The following RARB variants were observed in gnomAD, a reference collection of about 807,000 sequenced individuals.
RARB encodes retinoic acid receptor beta.
A neutral mutation model predicts 51.9 loss-of-function variants in RARB; 17 were observed. The observed-to-expected ratio is 0.33, with a 90% CI of 0.22 to 0.49. The LOEUF is 0.49. RARB is among the 20% of genes least tolerant of loss of function. The pLI is 0.99. For missense variants in RARB, 369 were observed against 550.8 expected (o/e 0.67, Z 3.30); for synonymous variants, 215 against 195.4 (o/e 1.10, Z -0.84).
intron 4 of RARB, among the ~76,000 whole-genome samples, chr3:25,166,725 A>G (rs1700567241): frequency 6.6e-6 from 1 of 152,192 alleles, no homozygotes; most frequent in Non-Finnish European, 1.5e-5. Context: ...TCTTGAAGGA[A>G]GCACAGTGTA....
chr3:25,335,792 C>G (rs1355313963), intron 5 of RARB, among the ~76,000 whole-genome samples: 2 of 152,198 alleles, frequency 1.3e-5, no homozygotes, highest in Admixed American at 1.3e-4. Context: ...CTGCTATATT[C>G]TCTTCTTGTA....
intron 2 of RARB, among the ~76,000 whole-genome samples, chr3:24,965,066 A>T (rs909257581): frequency 6.6e-6 from 1 of 152,178 alleles, no homozygotes; most frequent in Non-Finnish European, 1.5e-5. Flanking sequence ...ACAATAGCCC[A>T]TGTAATCGAT....
intron 2 of RARB, among the ~76,000 whole-genome samples, chr3:25,484,988 A>G (rs915849099): frequency 1.3e-5 from 2 of 152,244 alleles, no homozygotes; most frequent in African/African-American, 4.8e-5. Flanking sequence ...AATAATTGAA[A>G]GAAGTGATAT....
chr3:25,595,943 A>T (rs1553637903), intron 7 of RARB, among the ~76,000 whole-genome samples: 1 of 152,226 alleles, frequency 6.6e-6, no homozygotes, highest in Non-Finnish European at 1.5e-5. Flanking sequence ...AAACGTCACC[A>T]TATCTCAGCT....
chr3:25,536,115 AT>A (rs1162365447), intron 3 of RARB, among the ~76,000 whole-genome samples: 11 of 152,332 alleles, frequency 7.2e-5, no homozygotes, highest in Admixed American at 1.3e-4. Context: ...CTTACCTGCT[AT>A]TAATATCTCA....
intron 2 of RARB, among the ~76,000 whole-genome samples, chr3:24,881,587 A>C (rs960984147): frequency 6.6e-6 from 1 of 152,218 alleles, no homozygotes; most frequent in Non-Finnish European, 1.5e-5. Flanking sequence ...ATGAAAAATA[A>C]AAACAGATTA....
intron 5 of RARB, among the ~76,000 whole-genome samples, chr3:25,224,578 G>A (rs1702013430): frequency 6.6e-6 from 1 of 152,204 alleles, no homozygotes; most frequent in East Asian, 1.9e-4. Flanking sequence ...AGGTGTTCAG[G>A]TAAGCTCACC....
chr3:24,891,247 A>G (rs942166561), intron 2 of RARB, among the ~76,000 whole-genome samples: 1 of 152,202 alleles, frequency 6.6e-6, no homozygotes, highest in African/African-American at 2.4e-5. Flanking sequence ...ATTATCTTCC[A>G]AACTAGGCTA....
At chr3:25,390,094 G>A (rs1706907763) in intron 5 of RARB, among the ~76,000 whole-genome samples, 1 of 152,150 alleles carries the variant, frequency 6.6e-6, no homozygotes. Context: ...AAATTCATAT[G>A]TTGAAACTTA....
At chr3:25,141,608 A>C (rs1178669417) in intron 4 of RARB, among the ~76,000 whole-genome samples, 2 of 152,174 alleles carry the variant, frequency 1.3e-5, no homozygotes, top group East Asian at 3.9e-4. Context: ...CAATCCTGTG[A>C]TATTAACTCC....
At chr3:25,174,712 T>C (rs1211121696) in intron 5 of RARB, 41 of 875,982 alleles carry the variant, frequency 4.7e-5, no homozygotes, top group Non-Finnish European at 5.9e-5. Flanking sequence ...ATTCTACTTT[T>C]AGTTCTGTGG....
chr3:25,523,831 CTT>C (rs1698515613), intron 3 of RARB, among the ~76,000 whole-genome samples: 2 of 152,268 alleles, frequency 1.3e-5, no homozygotes, highest in South Asian at 4.1e-4. Flanking sequence ...TTTTTACAAA[CTT>C]TTTCTCTTGT....
intron 5 of RARB, among the ~76,000 whole-genome samples, chr3:25,272,277 C>T (rs1413555512): frequency 6.6e-6 from 1 of 152,218 alleles, no homozygotes; most frequent in Non-Finnish European, 1.5e-5. Context: ...TTTACACCAA[C>T]AAAGCCATCG....
chr3:25,414,946 A>G (rs1279697355), intron 5 of RARB, among the ~76,000 whole-genome samples: 1 of 152,104 alleles, frequency 6.6e-6, no homozygotes, highest in East Asian at 1.9e-4. Context: ...GGTTCAAGCA[A>G]TTCTCCTGAC....
chr3:25,358,768 T>C (rs1057036356), intron 5 of RARB, among the ~76,000 whole-genome samples: 2 of 152,224 alleles, frequency 1.3e-5, no homozygotes, highest in African/African-American at 2.4e-5. Flanking sequence ...TCTGTTTATG[T>C]GATGGATTAC....
intron 5 of RARB, among the ~76,000 whole-genome samples, chr3:25,401,282 T>A (rs998368607): frequency 2.6e-5 from 4 of 152,132 alleles, no homozygotes; most frequent in Admixed American, 6.6e-5. Context: ...TCAATCGAGA[T>A]TATGCACTCC....
intron 2 of RARB, among the ~76,000 whole-genome samples, chr3:25,500,283 C>T (rs938724187): frequency 1.3e-5 from 2 of 151,974 alleles, no homozygotes; most frequent in African/African-American, 4.8e-5. Context: ...CTCTAACATG[C>T]CATTAAATGG....
At chr3:24,888,111 C>T (rs573195631) in intron 2 of RARB, among the ~76,000 whole-genome samples, 37 of 152,288 alleles carry the variant, frequency 2.4e-4, no homozygotes, top group African/African-American at 8.4e-4. Flanking sequence ...AAAACCTACA[C>T]TTGCTACACA....
chr3:25,234,034 A>G (rs2125391984), intron 5 of RARB, among the ~76,000 whole-genome samples: 1 of 152,136 alleles, frequency 6.6e-6, no homozygotes. Context: ...CTCTTGTAAT[A>G]TCTTTGTCTT....
Sources: gnomAD v4.1 joint callset for allele counts (sites outside exome capture counted in the v4.1 genomes callset) on GRCh38, gnomAD v4.1.1 for gene constraint, MANE v1.5 for transcripts, NCBI Gene and HGNC (gene_info 2026-07-23, HGNC 2026-07-21) for gene names.